The following UBE3D variants were observed in gnomAD, a reference collection of about 807,000 sequenced individuals.
The protein encoded by UBE3D is ubiquitin protein ligase E3D.
A neutral mutation model predicts 49.6 loss-of-function variants in UBE3D; 48 were observed. The ratio of observed to expected loss-of-function variants is 0.97; its 90% CI spans 0.77 to 1.23. UBE3D has a LOEUF of 1.23. Among genes scored for constraint, UBE3D ranks in the 50% most tolerant of loss-of-function variants. UBE3D has a pLI of 0.00. For synonymous variants in UBE3D, 189 were observed against 174.2 expected, an observed-to-expected ratio of 1.08 and a Z score of -0.67; for missense variants, 452 against 468.4, an observed-to-expected ratio of 0.96 and a Z score of 0.32.
In UBE3D at chr6:82,989,225, A is replaced by G. The variant is rs542236786; in HGVS notation, c.1010+29748T>C. The stretch of plus-strand genomic sequence containing the variant: ...CCTGGGTGTTCACCTCTGATGCAGC[A>G]TCATTAACCCCTGCCTTCTGCTCTA... On this transcript the variant is annotated intron_variant, in intron 8 of 9. Transcript: ENST00000369747. Among the ~76,000 whole-genome samples the G allele has an allele frequency of 7.2e-4, 110 of 152,204 alleles. 1 individual carries two copies. In the South Asian group the frequency reaches 0.022, roughly 31 times the overall value.
At chr6:82,934,016 C>G (rs534755255) in intron 9 of UBE3D, among the ~76,000 whole-genome samples, 2 of 152,218 alleles carry the variant, frequency 1.3e-5, no homozygotes, top group South Asian at 4.1e-4. Context: ...AATTGTAATC[C>G]CCATAATCCC....
At chr6:83,001,509 A>G (rs1214501101) in intron 8 of UBE3D, among the ~76,000 whole-genome samples, 1 of 152,158 alleles carries the variant, frequency 6.6e-6, no homozygotes, top group Non-Finnish European at 1.5e-5. Context: ...TAAATTTCCT[A>G]CAGCAGCCTT....
the UBE3D span, among the ~76,000 whole-genome samples, chr6:82,883,508 G>A: frequency 3.9e-5 from 6 of 152,178 alleles, no homozygotes; most frequent in South Asian, 2.1e-4. Flanking sequence ...CTCAAAGAGC[G>A]CCCACGCTTC....
At chr6:83,045,282 A>G (rs1782954315) in intron 3 of UBE3D, among the ~76,000 whole-genome samples, 1 of 151,590 alleles carries the variant, frequency 6.6e-6, no homozygotes, top group Non-Finnish European at 1.5e-5. Flanking sequence ...TAATTCTTCC[A>G]CTCACCCTTT....
chr6:82,927,442 G>A (rs934844475), intron 9 of UBE3D, among the ~76,000 whole-genome samples: 2 of 151,910 alleles, frequency 1.3e-5, no homozygotes, highest in Admixed American at 1.3e-4. Context: ...TATGGGTTGG[G>A]AATCTAGAGT....
intron 8 of UBE3D, among the ~76,000 whole-genome samples, chr6:82,987,009 A>G (rs1778567236): frequency 6.6e-6 from 1 of 151,696 alleles, no homozygotes; most frequent in Non-Finnish European, 1.5e-5. Context: ...CAGTGGCATG[A>G]TCAAGGCTTG....
chr6:82,890,467 C>T (rs981533938), downstream of UBE3D, among the ~76,000 whole-genome samples: 2 of 152,182 alleles, frequency 1.3e-5, no homozygotes, highest in African/African-American at 4.8e-5. Flanking sequence ...CAATGGAGAC[C>T]TGTTGAGCTT....
intron 8 of UBE3D, among the ~76,000 whole-genome samples, chr6:82,963,980 C>G (rs1776733508): frequency 6.6e-6 from 1 of 152,094 alleles, no homozygotes; most frequent in South Asian, 2.1e-4. Context: ...TCAAAAGGAA[C>G]AATGAACTAA....
chr6:82,903,251 T>G (rs548971126), intron 9 of UBE3D, among the ~76,000 whole-genome samples: 10 of 152,256 alleles, frequency 6.6e-5, no homozygotes, highest in Non-Finnish European at 1.0e-4. Flanking sequence ...CCTCCCAAAG[T>G]GCTGGAATTA....
the UBE3D span, among the ~76,000 whole-genome samples, chr6:82,887,173 T>A: frequency 4.6e-4 from 33 of 71,436 alleles, no homozygotes; most frequent in African/African-American, 2.9e-3. Context: ...AAATAAAAAA[T>A]AAAAGCTGGG....
chr6:83,059,510 C>G (rs1562238339), intron 1 of UBE3D, among the ~76,000 whole-genome samples: 1 of 152,220 alleles, frequency 6.6e-6, no homozygotes. Flanking sequence ...AACACAATGT[C>G]CATTTGCTAC....
chr6:82,986,274 C>T (rs572117575), intron 8 of UBE3D, among the ~76,000 whole-genome samples: 1 of 151,942 alleles, frequency 6.6e-6, no homozygotes, highest in South Asian at 2.1e-4. Context: ...AGTTCAAGAC[C>T]AGCCTGGCCA....
intron 8 of UBE3D, among the ~76,000 whole-genome samples, chr6:82,985,477 T>G (rs1451122933): frequency 6.6e-6 from 1 of 151,966 alleles, no homozygotes; most frequent in African/African-American, 2.4e-5. Context: ...ATTCTCCTGC[T>G]TCAGCCTCCC....
rs561028181 is a variant in UBE3D at position 83,032,237 on chromosome 6, C to T, written c.667+6179G>A. ...GCCCATGAAAGAAGCTGGGTGGGGC[C>T]GTACCCGGCAAAACCACAGGAACAG... On this transcript the variant is annotated intron_variant, in intron 5 of 9. Transcript: ENST00000369747. 98 of 456,094 alleles carry T rather than the reference C, an allele frequency of 2.1e-4. 1 individual carries two copies. Among genetic ancestry groups the T allele is most frequent in the South Asian group, 1.3e-3 (81 of 64,516 alleles). The allele number at this position is 456,094 out of a possible 1,614,324, so 28.3% of individuals were successfully genotyped here. A position where few individuals can be genotyped will look rare whatever the true frequency, so the allele number is the denominator to read the frequency against.
intron 4 of UBE3D, 114 bp downstream of exon 4, chr6:83,044,314 G>A (rs1782873439): frequency 1.1e-6 from 1 of 938,346 alleles, no homozygotes; most frequent in Non-Finnish European, 1.6e-6. Flanking sequence ...TGAAAATAAT[G>A]AATTTTGGCC....
At chr6:82,983,907 C>T (rs1582546045) in intron 8 of UBE3D, among the ~76,000 whole-genome samples, 2 of 152,080 alleles carry the variant, frequency 1.3e-5, no homozygotes, top group East Asian at 3.9e-4. Context: ...GACACCAATT[C>T]TACATGCACT....
intron 9 of UBE3D, among the ~76,000 whole-genome samples, chr6:82,895,158 A>C (rs1269957015): frequency 2.0e-5 from 3 of 152,058 alleles, no homozygotes; most frequent in African/African-American, 7.2e-5. Context: ...TAAGAATACA[A>C]AAATTAGCCA....
chr6:82,919,708 A>C (rs912770537), intron 9 of UBE3D, among the ~76,000 whole-genome samples: 2 of 152,226 alleles, frequency 1.3e-5, no homozygotes, highest in Non-Finnish European at 2.9e-5. Context: ...TAACAGCACA[A>C]GGTTCAATTA....
chr6:82,963,189 T>TC (rs954564490), intron 8 of UBE3D, among the ~76,000 whole-genome samples: 2 of 143,320 alleles, frequency 1.4e-5, no homozygotes, highest in Non-Finnish European at 3.1e-5. Context: ...AAAGTTTTCA[T>TC]CTTTTTTTTT....
Sources: gnomAD v4.1 joint callset for allele counts (sites outside exome capture counted in the v4.1 genomes callset) on GRCh38, gnomAD v4.1.1 for gene constraint, MANE v1.5 for transcripts, NCBI Gene and HGNC (gene_info 2026-07-23, HGNC 2026-07-21) for gene names.